ADCY5: variants seen among roughly 807,000 people sequenced by gnomAD.
ADCY5 encodes the protein adenylate cyclase 5, also known as adenylate cyclase type 5.
Under a neutral mutation model 119.7 loss-of-function variants are expected in ADCY5, and 30 were observed. The observed-to-expected ratio is 0.25, with a 90% CI of 0.19 to 0.34. ADCY5 has a LOEUF of 0.34. Among genes scored for constraint, ADCY5 ranks in the 10% least tolerant of loss-of-function variants. The probability of loss-of-function intolerance (pLI) is 1.00; values close to 1 mark genes in which losing one functional copy is unlikely to be tolerated. For synonymous variants in ADCY5, 753 were observed against 762.2 expected (o/e 0.99, Z 0.20); for missense variants, 1,324 against 1,775.2 (o/e 0.75, Z 4.57).
At chr3:123,441,893 C>T (rs111886470) in intron 1 of ADCY5, among the ~76,000 whole-genome samples, 143 of 151,920 alleles carry the variant, frequency 9.4e-4, no homozygotes, top group African/African-American at 3.3e-3. Context: ...AGCTCACTGT[C>T]CGCTAACTAG....
At chr3:123,435,316 G>A (rs1454631143) in intron 1 of ADCY5, among the ~76,000 whole-genome samples, 1 of 152,170 alleles carries the variant, frequency 6.6e-6, no homozygotes, top group Non-Finnish European at 1.5e-5. Flanking sequence ...AGGCAGCACT[G>A]ACTTGAACTC....
intron 3 of ADCY5, among the ~76,000 whole-genome samples, chr3:123,338,099 T>C (rs1327767720): frequency 2.0e-5 from 3 of 151,978 alleles, no homozygotes; most frequent in South Asian, 4.1e-4. Context: ...AGAAACAACA[T>C]TGATATGTGA....
chr3:123,313,977 G>C (rs951043451), intron 12 of ADCY5, among the ~76,000 whole-genome samples: 7 of 152,204 alleles, frequency 4.6e-5, no homozygotes, highest in Admixed American at 4.6e-4. Flanking sequence ...AGCACCCACA[G>C]CATCTTCTGG....
intron 1 of ADCY5, among the ~76,000 whole-genome samples, chr3:123,405,492 T>C (rs1382356070): frequency 1.3e-5 from 2 of 151,664 alleles, no homozygotes; most frequent in Admixed American, 1.3e-4. Flanking sequence ...CTGTGAGAGG[T>C]GAGGAGGGAG....
At chr3:123,427,524 T>A (rs115242354) in intron 1 of ADCY5, among the ~76,000 whole-genome samples, 3 of 152,152 alleles carry the variant, frequency 2.0e-5, no homozygotes, top group African/African-American at 7.2e-5. Flanking sequence ...TCTCTGCACA[T>A]GGAAATCCCT....
chr3:123,426,619 C>T lies in ADCY5; in HGVS notation c.1134+20793G>A, dbSNP rs367615303. The stretch of plus-strand genomic sequence containing the variant: ...GTGCTGGGATTACGGGCGTGAGCCA[C>T]TGCGCCTGGCCAGAGCTGACATTCT... On this transcript the variant is annotated intron_variant, in intron 1 of 20. Coordinates refer to ENST00000462833, the MANE Select transcript of ADCY5 (RefSeq NM_183357.3). Among the ~76,000 whole-genome samples the T allele has an allele frequency of 2.0e-4, 31 of 152,328 alleles. No homozygotes were observed. In the South Asian group the frequency reaches 2.1e-3, roughly 10 times the overall value.
intron 1 of ADCY5, among the ~76,000 whole-genome samples, chr3:123,396,673 A>G (rs972599371): frequency 6.8e-6 from 1 of 147,740 alleles, no homozygotes; most frequent in African/African-American, 2.5e-5. Context: ...AAAGACGGAA[A>G]ATAAGAACAA....
At chr3:123,361,609 G>A (rs112293874) in intron 1 of ADCY5, among the ~76,000 whole-genome samples, 3,327 of 151,738 alleles carry the variant, frequency 0.022, 119 homozygotes, top group African/African-American at 0.075. Context: ...GGCTTTTCTC[G>A]CTTAGCATAT....
At position 123,346,899 on chromosome 3, in the gene ADCY5, G is replaced by A. The variant is rs184385226; in HGVS notation, c.1406+883C>T. Among the ~76,000 whole-genome samples, 21 of 152,208 alleles carry A rather than the reference G, an allele frequency of 1.4e-4. No individual in the cohort carries two copies. In the East Asian group the frequency reaches 3.9e-3, roughly 28 times the overall value. Reference sequence around the variant, plus strand: ...TGGATGAAGGCCACTGTATCGCTTCGTGTCCCCGTGGAACTCATAAGCAGA... The same window carrying A: ...TGGATGAAGGCCACTGTATCGCTTCATGTCCCCGTGGAACTCATAAGCAGA... On this transcript the variant is annotated intron_variant, in intron 3 of 20. Coordinates refer to ENST00000462833, the MANE Select transcript of ADCY5 (RefSeq NM_183357.3).
At chr3:123,380,854 TGA>T (rs1341145266) in intron 1 of ADCY5, among the ~76,000 whole-genome samples, 1 of 152,228 alleles carries the variant, frequency 6.6e-6, no homozygotes, top group Non-Finnish European at 1.5e-5. Flanking sequence ...AGATCCGGCC[TGA>T]GAGATACTTG....
intron 1 of ADCY5, among the ~76,000 whole-genome samples, chr3:123,390,778 A>T (rs1944380898): frequency 6.6e-6 from 1 of 152,128 alleles, no homozygotes. Context: ...CTGGGAATGG[A>T]CTCAGCTCCT....
At chr3:123,396,347 AAGAG>A (rs1385632393) in intron 1 of ADCY5, among the ~76,000 whole-genome samples, 2 of 141,332 alleles carry the variant, frequency 1.4e-5, no homozygotes, top group Non-Finnish European at 3.1e-5. Flanking sequence ...AGAGAAGAAA[AAGAG>A]AGAGAAGGGA....
At chr3:123,359,708 C>A (rs978043082) in intron 1 of ADCY5, among the ~76,000 whole-genome samples, 8 of 152,168 alleles carry the variant, frequency 5.3e-5, no homozygotes, top group African/African-American at 1.9e-4. Context: ...AAGCTCTGGG[C>A]AGTAGAAAAG....
intron 1 of ADCY5, among the ~76,000 whole-genome samples, chr3:123,444,445 A>AT (rs1271700245): frequency 6.6e-6 from 1 of 152,128 alleles, no homozygotes; most frequent in Admixed American, 6.5e-5. Context: ...GGAAAGGAGC[A>AT]GGCAGAGAGA....
At chr3:123,336,319 ATTC>A (rs1054054711) in intron 3 of ADCY5, among the ~76,000 whole-genome samples, 3 of 152,216 alleles carry the variant, frequency 2.0e-5, no homozygotes, top group Admixed American at 6.5e-5. Flanking sequence ...TGTTCTGGAA[ATTC>A]TTCTTCATCT....
intron 1 of ADCY5, among the ~76,000 whole-genome samples, chr3:123,427,364 G>A (rs1945435954): frequency 6.6e-6 from 1 of 152,176 alleles, no homozygotes; most frequent in Non-Finnish European, 1.5e-5. Flanking sequence ...TGGCGCAGAA[G>A]TCTATACACT....
chr3:123,333,342 G>A (rs1033682172), intron 3 of ADCY5, among the ~76,000 whole-genome samples: 2 of 152,198 alleles, frequency 1.3e-5, no homozygotes, highest in Non-Finnish European at 1.5e-5. Flanking sequence ...GTAAGCCCCC[G>A]TTCTTTGGTA....
chr3:123,342,092 G>GT (rs1942313407), intron 3 of ADCY5, among the ~76,000 whole-genome samples: 1 of 152,056 alleles, frequency 6.6e-6, no homozygotes, highest in Non-Finnish European at 1.5e-5. Context: ...CATCGTGGCC[G>GT]GCCCAGAATA....
intron 20 of ADCY5, among the ~76,000 whole-genome samples, chr3:123,285,308 A>T (rs1160769483): frequency 6.6e-6 from 1 of 152,198 alleles, no homozygotes; most frequent in Non-Finnish European, 1.5e-5. Context: ...CACAGTGAAT[A>T]AATGGCAGGG....
Sources: gnomAD v4.1 joint callset for allele counts (sites outside exome capture counted in the v4.1 genomes callset) on GRCh38, gnomAD v4.1.1 for gene constraint, MANE v1.5 for transcripts, NCBI Gene and HGNC (gene_info 2026-07-23, HGNC 2026-07-21) for gene names.